DCBLD1: variants seen among roughly 807,000 people sequenced by gnomAD.
The protein encoded by DCBLD1 is discoidin, CUB and LCCL domain-containing protein 1.
In DCBLD1, 57 loss-of-function variants were observed where a neutral mutation model predicts 71.5. The observed-to-expected ratio is 0.80, with a 90% CI of 0.64 to 0.99. DCBLD1 has a LOEUF of 0.99. DCBLD1 is among the 50% of genes least tolerant of loss of function. The pLI, the probability that DCBLD1 is intolerant of heterozygous loss-of-function variation, is 0.00. For synonymous variants in DCBLD1, 380 were observed against 363.8 expected (o/e 1.04, Z -0.51); for missense variants, 891 against 923.5 (o/e 0.96, Z 0.46).
downstream of DCBLD1, among the ~76,000 whole-genome samples, chr6:117,550,420 G>A (rs554838869): frequency 7.2e-5 from 11 of 152,250 alleles, no homozygotes; most frequent in East Asian, 1.4e-3. Flanking sequence ...ATGATAAGGC[G>A]TGAATGAGAC....
At chr6:117,494,411 C>T (rs999408887) in intron 1 of DCBLD1, among the ~76,000 whole-genome samples, 16 of 152,240 alleles carry the variant, frequency 1.1e-4, no homozygotes, top group East Asian at 1.9e-4. Context: ...CATGTTCCAG[C>T]GGCAGGAAAG....
downstream of DCBLD1, among the ~76,000 whole-genome samples, chr6:117,551,317 C>T (rs556943969): frequency 1.3e-5 from 2 of 152,202 alleles, no homozygotes; most frequent in African/African-American, 2.4e-5. Context: ...ATTGGATGCT[C>T]ATTAGAGCTT....
intron 4 of DCBLD1, among the ~76,000 whole-genome samples, chr6:117,525,013 A>G (rs1020496046): frequency 1.3e-5 from 2 of 152,148 alleles, no homozygotes; most frequent in Non-Finnish European, 2.9e-5. Context: ...ACATATTTTA[A>G]ACATTTCTTA....
At chr6:117,525,298 A>G in intron 4 of DCBLD1, 64 bp from the exon 5 acceptor site, 1 of 1,248,764 alleles carries the variant, frequency 8.0e-7, no homozygotes, top group Non-Finnish European at 1.0e-6. Flanking sequence ...AAATTTAAGT[A>G]CAGTTTAATT....
At chr6:117,525,485 T>C in intron 5 of DCBLD1, 51 bp downstream of exon 5, 1 of 1,318,044 alleles carries the variant, frequency 7.6e-7, no homozygotes, top group Non-Finnish European at 1.0e-6. Context: ...AGTAAGTGCT[T>C]TACTCTGCCT....
intron 14 of DCBLD1, among the ~76,000 whole-genome samples, chr6:117,569,260 C>T (rs1779759194): frequency 6.6e-6 from 1 of 152,170 alleles, no homozygotes; most frequent in Non-Finnish European, 1.5e-5. Context: ...GTCTCAGGTC[C>T]TGTTCTGAGT....
At chr6:117,545,124 C>G (rs1779223333) in intron 13 of DCBLD1, among the ~76,000 whole-genome samples, 1 of 151,866 alleles carries the variant, frequency 6.6e-6, no homozygotes, top group Admixed American at 6.6e-5. Context: ...CCATTTGAGA[C>G]TCCACCTCCC....
intron 1 of DCBLD1, among the ~76,000 whole-genome samples, chr6:117,489,544 A>C (rs893547499): frequency 6.6e-6 from 1 of 152,190 alleles, no homozygotes; most frequent in Admixed American, 6.5e-5. Flanking sequence ...TGTTACCCCC[A>C]TACCACCCCC....
At chr6:117,561,034 C>T (rs183358706) in intron 14 of DCBLD1, 1 of 220,202 alleles carries the variant, frequency 4.5e-6, no homozygotes, top group African/African-American at 2.2e-5. Flanking sequence ...TAACTAGTTA[C>T]TTTCTAACAC....
chr6:117,551,239 AT>A (rs1779421782), downstream of DCBLD1, among the ~76,000 whole-genome samples: 1 of 152,036 alleles, frequency 6.6e-6, no homozygotes. Context: ...GAATCTTAGC[AT>A]TTATCAACTA....
intron 3 of DCBLD1, among the ~76,000 whole-genome samples, chr6:117,521,249 A>G (rs187950170): frequency 1.3e-5 from 2 of 152,314 alleles, no homozygotes; most frequent in Non-Finnish European, 2.9e-5. Flanking sequence ...GCAACTAAAG[A>G]GTATTGTTTT....
rs1281320825 is a variant in DCBLD1, at chr6:117,503,804, T to C, written c.150T>C (p.Ser50=). 6.2e-7 allele frequency: 1 copy of C among 1,614,084 alleles called. No individual in the cohort carries two copies. Among genetic ancestry groups the C allele is most frequent in the Non-Finnish European group, 8.5e-7 (1 of 1,179,984 alleles). Residue 50 remains serine, a synonymous_variant, in exon 2 of 15, where the codon AGT becomes AGC. Transcript: ENST00000338728. ...GACACCTAGTGACTTATCAGGATAG[T>C]GGCACAATGACATCTAAGAATTATC... ...GCGHLVTYQD[S]GTMTSKNYPG...
chr6:117,519,631 G>T (rs1778316931), intron 2 of DCBLD1, among the ~76,000 whole-genome samples, 185 bp from the exon 3 acceptor site: 1 of 152,082 alleles, frequency 6.6e-6, no homozygotes, highest in Non-Finnish European at 1.5e-5. Context: ...TTCCCCCTTG[G>T]CTTAGTTCAC....
At chr6:117,489,613 C>G (rs562318150) in intron 1 of DCBLD1, among the ~76,000 whole-genome samples, 14 of 152,186 alleles carry the variant, frequency 9.2e-5, no homozygotes, top group Admixed American at 4.6e-4. Flanking sequence ...GGCCGGGCGC[C>G]GTGGCTCATG....
chr6:117,512,878 T>TAA (rs950905946), intron 2 of DCBLD1, among the ~76,000 whole-genome samples: 6 of 149,800 alleles, frequency 4.0e-5, no homozygotes, highest in African/African-American at 1.5e-4. Context: ...GTATGGTAGT[T>TAA]AAAAAAAAAA....
chr6:117,541,965 A>G (rs905707821), intron 11 of DCBLD1, among the ~76,000 whole-genome samples: 2 of 152,206 alleles, frequency 1.3e-5, no homozygotes, highest in Non-Finnish European at 1.5e-5. Context: ...GGATGCTTTA[A>G]GTTATTTGAT....
chr6:117,516,942 G>A (rs377441006), intron 2 of DCBLD1, among the ~76,000 whole-genome samples: 13 of 152,062 alleles, frequency 8.5e-5, no homozygotes, highest in Admixed American at 5.9e-4. Context: ...ATGAGATTTG[G>A]GTGGGGACAC....
chr6:117,541,075 A>C (rs1779081023), intron 11 of DCBLD1, 50 bp downstream of exon 11: 1 of 1,573,272 alleles, frequency 6.4e-7, no homozygotes, highest in African/African-American at 1.4e-5. Context: ...CTGGTAACCC[A>C]CCCAATATCA....
At chr6:117,496,393 G>A (rs772315488) in intron 1 of DCBLD1, among the ~76,000 whole-genome samples, 3 of 151,976 alleles carry the variant, frequency 2.0e-5, no homozygotes, top group Non-Finnish European at 1.5e-5. Context: ...TGCTTCTGGC[G>A]GCCTACAAGG....
Sources: allele counts gnomAD v4.1 joint callset (sites outside exome capture counted in the v4.1 genomes callset), GRCh38; gene constraint gnomAD v4.1.1; transcripts MANE v1.5; gene names NCBI Gene and HGNC (gene_info 2026-07-23, HGNC 2026-07-21).